Variants in C21orf91 observed in about 807,000 individuals in gnomAD.
C21orf91 encodes the protein chromosome 21 open reading frame 91, also known as protein EURL homolog.
C21orf91 carries 26 observed loss-of-function variants against 32.9 expected under a neutral mutation model. The observed-to-expected ratio is 0.79, with a 90% CI of 0.58 to 1.10. The LOEUF (loss-of-function observed/expected upper bound fraction) is 1.10, where lower values mean the gene tolerates loss of function less well. Ranked by LOEUF, C21orf91 falls within the 50% of genes least tolerant of loss-of-function variation. The pLI is 0.00. For synonymous variants in C21orf91, 126 were observed against 120.4 expected (o/e 1.05, Z -0.31); for missense variants, 310 against 341.3 (o/e 0.91, Z 0.72).
At chr21:17,813,812 C>T (rs2062648310) in intron 2 of C21orf91, 1 of 152,078 alleles carries the variant, frequency 6.6e-6, no homozygotes, top group South Asian at 2.1e-4. Flanking sequence ...GAATGCTCAA[C>T]CTGTGTAACA....
chr21:17,799,314 T>A (rs2062543208), intron 2 of C21orf91, among the ~76,000 whole-genome samples: 1 of 152,168 alleles, frequency 6.6e-6, no homozygotes. Flanking sequence ...ATTCATATAA[T>A]ATAATTTCCA....
chr21:17,816,873 A>G (rs1210343326), intron 2 of C21orf91, among the ~76,000 whole-genome samples: 5 of 152,362 alleles, frequency 3.3e-5, no homozygotes, highest in African/African-American at 7.2e-5. Context: ...AAATTCTACA[A>G]TGTATCAACA....
intron 2 of C21orf91, among the ~76,000 whole-genome samples, chr21:17,815,437 A>G (rs1228490710): frequency 6.6e-6 from 1 of 152,224 alleles, no homozygotes; most frequent in Non-Finnish European, 1.5e-5. Flanking sequence ...CCCCTCTTAC[A>G]TTCTAGTCTA....
At chr21:17,799,967 T>C (rs1360479923) in intron 2 of C21orf91, among the ~76,000 whole-genome samples, 1 of 152,178 alleles carries the variant, frequency 6.6e-6, no homozygotes, top group Non-Finnish European at 1.5e-5. Context: ...CAGCGGGTAA[T>C]TAAAGGTGTC....
chr21:17,802,320 G>A (rs750926694), intron 2 of C21orf91, among the ~76,000 whole-genome samples: 1 of 152,036 alleles, frequency 6.6e-6, no homozygotes, highest in Non-Finnish European at 1.5e-5. Flanking sequence ...ACCACCACAC[G>A]TGGTTAATTT....
chr21:17,796,871 ATG>A lies in C21orf91; in HGVS notation c.373_374del (p.His125Ter), dbSNP rs1486309001. On this transcript the variant is annotated frameshift_variant, in exon 3 of 5. Coordinates refer to ENST00000284881, the MANE Select transcript of C21orf91 (RefSeq NM_001100420.2). LOFTEE classifies it high-confidence loss of function. The stretch of plus-strand genomic sequence containing the variant: ...GTGGGAGTAATTTTTCTTCTGGCTT[ATG>A]CCTGAAATTAAACAGATGATGCTGG... Reference protein sequence around the residue: ...NPQHHLFNFRHKPEEKLLPQF... With the variant: ...NPQHHLFNFRXKPEEKLLPQF... 6.2e-7 allele frequency: 1 copy of A among 1,614,012 alleles called. No individual in the cohort carries two copies. Among genetic ancestry groups the A allele is most frequent in the Non-Finnish European group, 8.5e-7 (1 of 1,179,968 alleles).
intron 2 of C21orf91, among the ~76,000 whole-genome samples, chr21:17,797,635 A>T (rs1274593463): frequency 6.6e-6 from 1 of 151,536 alleles, no homozygotes; most frequent in Admixed American, 6.6e-5. Flanking sequence ...AAAATTCAAT[A>T]AACTATTTAG....
chr21:17,818,631 C>A (rs1355550516), intron 1 of C21orf91, among the ~76,000 whole-genome samples: 1 of 152,240 alleles, frequency 6.6e-6, no homozygotes, highest in Non-Finnish European at 1.5e-5. Flanking sequence ...CCTCCTCCTT[C>A]GTCCCCCAAC....
At position 17,789,935 on chromosome 21, in the gene C21orf91, T is replaced by C. The variant is rs989173851; in HGVS notation, c.*3480A>G. 3.3e-5 allele frequency: 5 copies of C among 152,058 alleles called. No homozygotes were observed. Among genetic ancestry groups the C allele is most frequent in the Non-Finnish European group, 7.4e-5 (5 of 67,950 alleles). 9.4% of individuals were successfully genotyped at this position (152,058 alleles called of 1,614,324 possible). ...ACCAACGTAAAAGTTAAAAATACAATCATACACTGAAACGGCATCAATTAT... is the reference window on the plus strand; with the variant it reads ...ACCAACGTAAAAGTTAAAAATACAACCATACACTGAAACGGCATCAATTAT... On this transcript the variant is annotated 3_prime_UTR_variant, in exon 5 of 5. Coordinates refer to ENST00000284881, the MANE Select transcript of C21orf91 (RefSeq NM_001100420.2).
chr21:17,802,053 T>C (rs939799134), intron 2 of C21orf91, among the ~76,000 whole-genome samples: 1 of 152,222 alleles, frequency 6.6e-6, no homozygotes, highest in Non-Finnish European at 1.5e-5. Flanking sequence ...CCCATCTCTA[T>C]CCTTTAAGTT....
intron 2 of C21orf91, 32 bp from the exon 3 acceptor site, chr21:17,797,150 A>T: frequency 6.8e-7 from 1 of 1,461,132 alleles, no homozygotes; most frequent in Non-Finnish European, 9.2e-7. Context: ...AAAAGACTTG[A>T]GAAATTTTGT....
intron 2 of C21orf91, among the ~76,000 whole-genome samples, chr21:17,800,490 T>C (rs1055746796): frequency 8.5e-5 from 13 of 152,240 alleles, no homozygotes; most frequent in South Asian, 2.1e-4. Context: ...GTTCAAATTA[T>C]TATAGCAGAA....
intron 2 of C21orf91, among the ~76,000 whole-genome samples, chr21:17,806,783 T>A (rs2062597440): frequency 6.6e-6 from 1 of 151,922 alleles, no homozygotes; most frequent in Non-Finnish European, 1.5e-5. Flanking sequence ...GAGGTTGCAG[T>A]GAGTCAAGAT....
intron 2 of C21orf91, among the ~76,000 whole-genome samples, chr21:17,802,842 G>A (rs1409385291): frequency 1.3e-5 from 2 of 152,122 alleles, no homozygotes; most frequent in Non-Finnish European, 2.9e-5. Flanking sequence ...ACTTTTTGTG[G>A]TCAATTAGAC....
intron 3 of C21orf91, among the ~76,000 whole-genome samples, chr21:17,795,833 C>A: frequency 6.6e-6 from 1 of 152,012 alleles, no homozygotes; most frequent in East Asian, 1.9e-4. Context: ...AAAAGTTTCA[C>A]CAAAAAATAG....
chr21:17,805,605 C>A (rs937768025), intron 2 of C21orf91, among the ~76,000 whole-genome samples: 1 of 152,152 alleles, frequency 6.6e-6, no homozygotes. Flanking sequence ...TGAGCCACCA[C>A]ACCCAGCTAG....
chr21:17,813,429 T>C (rs533304022), intron 2 of C21orf91, among the ~76,000 whole-genome samples: 1 of 152,338 alleles, frequency 6.6e-6, no homozygotes, highest in Admixed American at 6.5e-5. Flanking sequence ...ATCTACGACT[T>C]AACCAAGATT....
chr21:17,808,262 G>A (rs2062611167), intron 2 of C21orf91, among the ~76,000 whole-genome samples: 1 of 152,262 alleles, frequency 6.6e-6, no homozygotes, highest in African/African-American at 2.4e-5. Flanking sequence ...AGTGCAAGCT[G>A]TAAGCCTTGG....
rs138865490 is a variant in C21orf91 at position 17,806,264 on chromosome 21, G to A, written c.128-9146C>T. Among the ~76,000 whole-genome samples the A allele has an allele frequency of 6.2e-3, 941 of 152,282 alleles. 7 individuals are homozygous for A. The highest frequency in any genetic ancestry group is 0.022 in the African/African-American group (907 of 41,548). On this transcript the variant is annotated intron_variant, in intron 2 of 4. Transcript: ENST00000284881. ...TTACTGCCTAGATAGCTAGGTGATC[G>A]CTGGTGAGAGCAAAAGAGGGTGGCA...
Sources: gnomAD v4.1 joint callset for allele counts (sites outside exome capture counted in the v4.1 genomes callset) on GRCh38, gnomAD v4.1.1 for gene constraint, MANE v1.5 for transcripts, NCBI Gene and HGNC (gene_info 2026-07-23, HGNC 2026-07-21) for gene names.